Variants in SEMA3A observed in about 807,000 individuals in gnomAD.
SEMA3A encodes the protein semaphorin 3A.
In SEMA3A, 29 loss-of-function variants were observed where a neutral mutation model predicts 97.9. That is an observed-to-expected ratio of 0.30 (90% CI 0.22 to 0.40). The LOEUF (loss-of-function observed/expected upper bound fraction) is 0.40, where lower values mean the gene tolerates loss of function less well. Ranked by LOEUF, SEMA3A falls within the 10% of genes least tolerant of loss-of-function variation. The pLI is 1.00. For synonymous variants in SEMA3A, 321 were observed against 323.7 expected (o/e 0.99, Z 0.09); for missense variants, 763 against 951.3 (o/e 0.80, Z 2.60).
In SEMA3A at chr7:83,997,912, A is replaced by G. The variant is rs990253907; in HGVS notation, c.1452+4043T>C. Among the ~76,000 whole-genome samples the G allele has an allele frequency of 2.0e-5, 3 of 151,826 alleles. No individual in the cohort carries two copies. The South Asian group carries it at 6.2e-4, about 32-fold the overall frequency. On this transcript the variant is annotated intron_variant, in intron 12 of 16. Coordinates refer to ENST00000265362, the MANE Select transcript of SEMA3A (RefSeq NM_006080.3). ...CCACTACACCCAGGTAATTTTTTGC[A>G]TTTTTAGTAGAGACGGGGTTTCACC... is the stretch of plus-strand genomic sequence containing the variant.
At chr7:84,048,437 T>C (rs1792450888) in intron 5 of SEMA3A, among the ~76,000 whole-genome samples, 1 of 152,038 alleles carries the variant, frequency 6.6e-6, no homozygotes, top group Non-Finnish European at 1.5e-5. Context: ...TATCTAATTT[T>C]TTCCCAAAAT....
chr7:84,376,851 T>C (rs1393204984), intron 1 of SEMA3A, among the ~76,000 whole-genome samples: 1 of 96,750 alleles, frequency 1.0e-5, no homozygotes, highest in African/African-American at 3.8e-5. Flanking sequence ...GATTTATTTT[T>C]ATGTATGTAT....
At chr7:84,161,131 C>T (rs756022487) in intron 1 of SEMA3A, among the ~76,000 whole-genome samples, 106 of 151,890 alleles carry the variant, frequency 7.0e-4, no homozygotes, top group Middle Eastern at 3.4e-3. Flanking sequence ...TTTGGGAGGC[C>T]GAGGTGGGCT....
At chr7:84,125,055 T>C (rs1795750461) in intron 3 of SEMA3A, among the ~76,000 whole-genome samples, 1 of 152,084 alleles carries the variant, frequency 6.6e-6, no homozygotes, top group Non-Finnish European at 1.5e-5. Context: ...AAATAAAATA[T>C]ATAAAAACTT....
intron 1 of SEMA3A, among the ~76,000 whole-genome samples, chr7:84,422,682 T>A (rs1804634029): frequency 1.3e-5 from 2 of 152,110 alleles, no homozygotes; most frequent in African/African-American, 4.8e-5. Flanking sequence ...ACACACTGCT[T>A]TAGCTGTGTC....
At chr7:84,052,314 C>A (rs898598037) in intron 5 of SEMA3A, among the ~76,000 whole-genome samples, 1 of 152,102 alleles carries the variant, frequency 6.6e-6, no homozygotes, top group East Asian at 1.9e-4. Flanking sequence ...ACCTCTGGTA[C>A]AATTCGGCTG....
chr7:83,989,525 A>G (rs1459088362), intron 12 of SEMA3A, among the ~76,000 whole-genome samples: 1 of 135,634 alleles, frequency 7.4e-6, no homozygotes, highest in East Asian at 2.4e-4. Flanking sequence ...TGTCCATGTG[A>G]TCTCATTGTT....
intron 3 of SEMA3A, among the ~76,000 whole-genome samples, chr7:84,266,934 G>A (rs899660621): frequency 4.6e-5 from 7 of 151,978 alleles, no homozygotes; most frequent in African/African-American, 9.7e-5. Flanking sequence ...TATGGAAATC[G>A]TTTTATATTC....
intron 1 of SEMA3A, among the ~76,000 whole-genome samples, chr7:84,473,392 A>T (rs927075915): frequency 1.4e-5 from 2 of 147,348 alleles, no homozygotes; most frequent in East Asian, 2.1e-4. Context: ...TATTATTATA[A>T]TATTATTATT....
chr7:84,018,855 T>C (rs913374665), intron 6 of SEMA3A, among the ~76,000 whole-genome samples: 19 of 152,280 alleles, frequency 1.2e-4, no homozygotes, highest in Middle Eastern at 3.4e-3. Flanking sequence ...GACCTAGTAA[T>C]GACATTGTCA....
intron 1 of SEMA3A, among the ~76,000 whole-genome samples, chr7:84,405,924 T>C (rs1804071159): frequency 6.6e-6 from 1 of 152,096 alleles, no homozygotes; most frequent in Non-Finnish European, 1.5e-5. Context: ...TTTATAGCAC[T>C]AAATGGCCAC....
In SEMA3A at chr7:84,402,932, G is replaced by C. The variant is rs981509648; in HGVS notation, c.-245-31032C>G. Among the ~76,000 whole-genome samples the C allele has an allele frequency of 2.0e-5, 3 of 152,108 alleles. No homozygotes were observed. The South Asian group carries it at 6.2e-4, about 31-fold the overall frequency. On this transcript the variant is annotated intron_variant, in intron 1 of 3. Coordinates refer to the SEMA3A transcript ENST00000424555. ...AAGGGTAGTGGGGTAGAGAGTTGAAGACAGGTTGGTTTACAAAAATACAGT... is the reference window on the plus strand; with the variant it reads ...AAGGGTAGTGGGGTAGAGAGTTGAACACAGGTTGGTTTACAAAAATACAGT...
At chr7:84,091,158 AGGAAGGAAG>A (rs1794566280) in intron 4 of SEMA3A, among the ~76,000 whole-genome samples, 1 of 36,592 alleles carries the variant, frequency 2.7e-5, no homozygotes, top group Non-Finnish European at 5.5e-5. Context: ...GAAGGAAGGA[AGGAAGGAAG>A]GAAAGAAAGA....
rs1788365518 is a variant in SEMA3A at position 83,958,939 on chromosome 7, T to TAA, written c.*2430_*2431dup. 1 of 152,084 alleles carries TAA rather than the reference T, an allele frequency of 6.6e-6. No homozygotes were observed. Among genetic ancestry groups the TAA allele is most frequent in the African/African-American group, 2.4e-5 (1 of 41,454 alleles). 9.4% of individuals were successfully genotyped at this position (152,084 alleles called of 1,614,324 possible). On this transcript the variant is annotated 3_prime_UTR_variant, in exon 17 of 17. Coordinates refer to ENST00000265362, the MANE Select transcript of SEMA3A (RefSeq NM_006080.3). ...CAAAGTCTATTTAAAGCTGAATTAT[T>TAA]AAATGGGCCAATAATTCTTTTTCGT...
At chr7:84,064,590 G>T (rs1361010500) in intron 4 of SEMA3A, among the ~76,000 whole-genome samples, 1 of 150,920 alleles carries the variant, frequency 6.6e-6, no homozygotes, top group East Asian at 1.9e-4. Flanking sequence ...CCAAGCAAAT[G>T]GAAAACAAAA....
chr7:84,438,446 T>A (rs1488589088), intron 1 of SEMA3A, among the ~76,000 whole-genome samples: 1 of 152,086 alleles, frequency 6.6e-6, no homozygotes, highest in African/African-American at 2.4e-5. Flanking sequence ...AATTATAGTA[T>A]GTGTGCTACA....
intron 2 of SEMA3A, among the ~76,000 whole-genome samples, chr7:84,132,973 C>G (rs550210972): frequency 6.6e-5 from 10 of 152,168 alleles, no homozygotes; most frequent in African/African-American, 2.4e-4. Context: ...CCGCACCAGA[C>G]CTATTTTGTG....
intron 1 of SEMA3A, among the ~76,000 whole-genome samples, chr7:84,374,959 A>G (rs1803061643): frequency 6.6e-6 from 1 of 152,174 alleles, no homozygotes; most frequent in African/African-American, 2.4e-5. Flanking sequence ...GGAGACGTGT[A>G]TGTTTGAAGC....
chr7:83,989,874 A>T (rs1382975729), intron 12 of SEMA3A, among the ~76,000 whole-genome samples: 2 of 150,926 alleles, frequency 1.3e-5, no homozygotes, highest in African/African-American at 4.9e-5. Context: ...CCAGTTCTAG[A>T]TCCCTGAGGA....
Sources: gnomAD v4.1 joint callset for allele counts (sites outside exome capture counted in the v4.1 genomes callset) on GRCh38, gnomAD v4.1.1 for gene constraint, MANE v1.5 for transcripts, NCBI Gene and HGNC (gene_info 2026-07-23, HGNC 2026-07-21) for gene names.